Variants in MACROH2A1 observed in about 807,000 individuals in gnomAD.
MACROH2A1 encodes core histone macro-H2A.1.
A neutral mutation model predicts 31.6 loss-of-function variants in MACROH2A1; 2 were observed. The observed-to-expected ratio is 0.06, with a 90% CI of 0.03 to 0.20. MACROH2A1 has a LOEUF of 0.20. Among genes scored for constraint, MACROH2A1 ranks in the 10% least tolerant of loss-of-function variants. The pLI is 1.00. For missense variants in MACROH2A1, 230 were observed against 474.0 expected (o/e 0.49, Z 4.78); for synonymous variants, 169 against 189.6 (o/e 0.89, Z 0.89).
chr5:135,366,901 T>C (rs1763573184), intron 4 of MACROH2A1, among the ~76,000 whole-genome samples: 1 of 152,176 alleles, frequency 6.6e-6, no homozygotes, highest in South Asian at 2.1e-4. Context: ...GCCACCCAAG[T>C]AGAGAGGAGC....
At chr5:135,387,120 C>A (rs1766522908) in intron 2 of MACROH2A1, among the ~76,000 whole-genome samples, 1 of 152,316 alleles carries the variant, frequency 6.6e-6, no homozygotes, top group East Asian at 1.9e-4. Context: ...AAAATGTCTT[C>A]TGTTTCCTAT....
chr5:135,389,992 A>G lies in MACROH2A1; in HGVS notation c.-33-866T>C, dbSNP rs2149967582. Among the ~76,000 whole-genome samples, 3 of 152,330 alleles carry G rather than the reference A, an allele frequency of 2.0e-5. No homozygotes were observed. In the East Asian group the frequency reaches 5.8e-4, roughly 29 times the overall value. The stretch of plus-strand genomic sequence containing the variant: ...CTGTGGCTGCCACAATTCTCATGAT[A>G]GAACCAGGACTCTTGGCCTGCCATG... On this transcript the variant is annotated intron_variant, in intron 1 of 8. Transcript: ENST00000511689.
At chr5:135,368,747 G>T (rs992555990) in intron 4 of MACROH2A1, among the ~76,000 whole-genome samples, 2 of 152,210 alleles carry the variant, frequency 1.3e-5, no homozygotes, top group African/African-American at 4.8e-5. Context: ...AGCAATCACA[G>T]GCCTGGACCT....
At chr5:135,348,041 T>C (rs1234542345) in intron 6 of MACROH2A1, among the ~76,000 whole-genome samples, 2 of 152,234 alleles carry the variant, frequency 1.3e-5, no homozygotes, top group East Asian at 1.9e-4. Flanking sequence ...TTTTTACTTA[T>C]AAATATTGCT....
At chr5:135,341,227 G>A (rs1759793044) in intron 8 of MACROH2A1, among the ~76,000 whole-genome samples, 2 of 152,202 alleles carry the variant, frequency 1.3e-5, no homozygotes, top group Admixed American at 6.5e-5. Flanking sequence ...TTGCTGATAA[G>A]GCAGACCAGG....
chr5:135,359,113 G>A (rs1259357774), intron 5 of MACROH2A1: 2 of 985,284 alleles, frequency 2.0e-6, no homozygotes, highest in Non-Finnish European at 2.4e-6. Flanking sequence ...GGAGGTATGA[G>A]GAATTCTGAT....
At chr5:135,372,283 T>C (rs1561633187) in intron 2 of MACROH2A1, among the ~76,000 whole-genome samples, 1 of 152,182 alleles carries the variant, frequency 6.6e-6, no homozygotes. Flanking sequence ...CTGGGCTTTA[T>C]ACATGTGAGA....
At chr5:135,340,903 C>T (rs2149719352) in intron 8 of MACROH2A1, among the ~76,000 whole-genome samples, 1 of 152,318 alleles carries the variant, frequency 6.6e-6, no homozygotes, top group East Asian at 1.9e-4. Flanking sequence ...GGTAGCTGTA[C>T]ACATGTGCTG....
In MACROH2A1 at chr5:135,360,577, T is replaced by C. The variant is rs1171135651; in HGVS notation, c.508A>G (p.Ser170Gly). The C allele has an allele frequency of 1.2e-6, 2 of 1,613,866 alleles. No individual in the cohort carries two copies. Among genetic ancestry groups the C allele is most frequent in the African/African-American group, 1.3e-5 (1 of 74,928 alleles). Reference sequence around the variant, plus strand: ...GTGCCCTCGGTTGTGCTGTCGGCGCTGGCTGCCTTACTGACTTCACCCTGC... The same window carrying C: ...GTGCCCTCGGTTGTGCTGTCGGCGCCGGCTGCCTTACTGACTTCACCCTGC... The part of the protein sequence containing the change: ...KKQGEVSKAA[S>G]ADSTTEGTPA... Residue 170 changes from serine to glycine, a missense_variant, in exon 5 of 9, where the codon AGC (serine) becomes GGC (glycine). By Grantham distance (56) the Ser-to-Gly change is moderately conservative. Transcript: ENST00000511689.
intron 2 of MACROH2A1, among the ~76,000 whole-genome samples, chr5:135,386,025 G>T (rs937150352): frequency 1.3e-5 from 2 of 152,128 alleles, no homozygotes; most frequent in Admixed American, 6.5e-5. Flanking sequence ...AAGAGGGCCT[G>T]GACACACTTC....
chr5:135,382,192 C>T (rs1170478991), intron 2 of MACROH2A1, among the ~76,000 whole-genome samples: 1 of 152,122 alleles, frequency 6.6e-6, no homozygotes, highest in Non-Finnish European at 1.5e-5. Flanking sequence ...AACTTGTCTA[C>T]CAGAAACAGG....
chr5:135,342,535 G>A (rs1201080675), intron 8 of MACROH2A1, among the ~76,000 whole-genome samples: 1 of 152,310 alleles, frequency 6.6e-6, no homozygotes, highest in South Asian at 2.1e-4. Context: ...ATCAGCTGTC[G>A]AAAAACTAGA....
At chr5:135,366,929 C>T (rs1763577287) in intron 4 of MACROH2A1, among the ~76,000 whole-genome samples, 2 of 152,296 alleles carry the variant, frequency 1.3e-5, no homozygotes, top group Admixed American at 6.5e-5. Context: ...TACAGTCAGG[C>T]TCTGGACACC....
chr5:135,343,405 C>T lies in MACROH2A1; in HGVS notation c.808G>A (p.Ala270Thr). The change falls in exon 8 of 9, where the codon GCC becomes ACC. Residue 270 changes from alanine to threonine, a missense_variant. This residue lies in a region of MACROH2A1 where 183 missense variants were observed against 319.3 expected (regional missense o/e 0.57). Coordinates refer to ENST00000511689, the MANE Select transcript of MACROH2A1 (RefSeq NM_138610.3). ...CTATTACAGTGGATCACAAACTTGG[C>T]AGGCAGGCCATGGCCTGCGCTGACA... The part of the protein sequence containing the change: ...AAVSAGHGLP[A>T]KFVIHCNSPV... The T allele has an allele frequency of 1.2e-6, 2 of 1,614,186 alleles. No individual in the cohort carries two copies. The highest frequency in any genetic ancestry group is 1.7e-6 in the Non-Finnish European group (2 of 1,180,034).
At chr5:135,336,405 G>A (rs546864547) in intron 8 of MACROH2A1, among the ~76,000 whole-genome samples, 1 of 152,336 alleles carries the variant, frequency 6.6e-6, no homozygotes, top group Admixed American at 6.5e-5. Context: ...CCTCAGGAGT[G>A]GAGTTCACTC....
chr5:135,339,893 C>T (rs929094035), intron 8 of MACROH2A1, among the ~76,000 whole-genome samples: 1 of 152,216 alleles, frequency 6.6e-6, no homozygotes, highest in African/African-American at 2.4e-5. Context: ...CCTCCCACTC[C>T]AGGCCCCCGG....
chr5:135,366,402 A>G (rs758899118), intron 4 of MACROH2A1, among the ~76,000 whole-genome samples: 14 of 152,256 alleles, frequency 9.2e-5, no homozygotes, highest in Non-Finnish European at 1.6e-4. Flanking sequence ...ACTTCCATGA[A>G]TTCTGTTAAG....
chr5:135,335,940 T>C (rs1363465863), intron 8 of MACROH2A1, among the ~76,000 whole-genome samples: 2 of 152,162 alleles, frequency 1.3e-5, no homozygotes, highest in Admixed American at 1.3e-4. Flanking sequence ...AAAACCTGGG[T>C]TTAGAGCCAG....
At chr5:135,390,064 T>C (rs951160157) in intron 1 of MACROH2A1, among the ~76,000 whole-genome samples, 2 of 152,256 alleles carry the variant, frequency 1.3e-5, no homozygotes, top group African/African-American at 4.8e-5. Context: ...AGCTTTGCCT[T>C]GGGCCACCTG....
Sources: allele counts gnomAD v4.1 joint callset (sites outside exome capture counted in the v4.1 genomes callset), GRCh38; gene constraint gnomAD v4.1.1; regional missense constraint gnomAD v4.1.1; transcripts MANE v1.5; gene names NCBI Gene and HGNC (gene_info 2026-07-23, HGNC 2026-07-21).